The following PACS1 variants were observed in gnomAD, a reference collection of about 807,000 sequenced individuals.
PACS1 encodes PACS-1.
Under a neutral mutation model 115.0 loss-of-function variants are expected in PACS1, and 24 were observed. The ratio of observed to expected loss-of-function variants is 0.21; its 90% CI spans 0.15 to 0.29. The LOEUF is 0.29. Ranked by LOEUF, PACS1 falls within the 10% of genes least tolerant of loss-of-function variation. The pLI, the probability that PACS1 is intolerant of heterozygous loss-of-function variation, is 1.00. For synonymous variants in PACS1, 453 were observed against 504.5 expected, an observed-to-expected ratio of 0.90 and a Z score of 1.37; for missense variants, 838 against 1,251.2, an observed-to-expected ratio of 0.67 and a Z score of 4.98.
At chr11:66,072,596 TA>T (rs1483562347) in intron 1 of PACS1, among the ~76,000 whole-genome samples, 2 of 152,160 alleles carry the variant, frequency 1.3e-5, no homozygotes, top group African/African-American at 4.8e-5. Flanking sequence ...GCCAGATCCA[TA>T]GCACAACACC....
intron 2 of PACS1, among the ~76,000 whole-genome samples, chr11:66,194,427 A>G (rs889005872): frequency 6.6e-5 from 10 of 152,244 alleles, no homozygotes; most frequent in African/African-American, 2.4e-4. Flanking sequence ...AAACATTTGT[A>G]TTCTTAAGTA....
intron 1 of PACS1, among the ~76,000 whole-genome samples, chr11:66,092,339 C>A (rs1469889387): frequency 6.6e-6 from 1 of 152,078 alleles, no homozygotes; most frequent in African/African-American, 2.4e-5. Flanking sequence ...AGTGTCTGTT[C>A]ATGTCCTTCG....
At chr11:66,171,972 A>C (rs987083466) in intron 1 of PACS1, among the ~76,000 whole-genome samples, 1 of 152,186 alleles carries the variant, frequency 6.6e-6, no homozygotes, top group Non-Finnish European at 1.5e-5. Flanking sequence ...AATACTTAAG[A>C]GTTTAAAGTT....
intron 2 of PACS1, among the ~76,000 whole-genome samples, chr11:66,200,553 A>G (rs1323871218): frequency 2.6e-5 from 4 of 152,178 alleles, no homozygotes; most frequent in Admixed American, 6.5e-5. Context: ...GTAAAAATTG[A>G]TAAGTTCATT....
chr11:66,153,068 A>C (rs111250335), intron 1 of PACS1, among the ~76,000 whole-genome samples: 1,602 of 152,348 alleles, frequency 0.011, 29 homozygotes, highest in African/African-American at 0.036. Context: ...GTAAATATGT[A>C]GGTAAATATA....
chr11:66,223,395 AT>A (rs35595274), intron 10 of PACS1, among the ~76,000 whole-genome samples: 134,174 of 148,064 alleles, frequency 0.91, 60,795 homozygotes, highest in East Asian at 0.98. Flanking sequence ...TGCCCGGCCT[AT>A]TTTTTTTTTT....
In PACS1 at chr11:66,216,104, T is replaced by TC. The variant is rs1855202283; in HGVS notation, c.661-11dup. The stretch of plus-strand genomic sequence containing the variant: ...TCTGTAGTAACACGCCTCCACCACC[T>TC]CCCCTGGCTCCTAGGTGATGCAGCA... On this transcript the variant is annotated splice_polypyrimidine_tract_variant and intron_variant, in intron 4 of 23. Coordinates refer to ENST00000320580, the MANE Select transcript of PACS1 (RefSeq NM_018026.4). 2 of 1,613,016 alleles carry TC rather than the reference T, an allele frequency of 1.2e-6. No individual in the cohort carries two copies. Among genetic ancestry groups the TC allele is most frequent in the African/African-American group, 2.7e-5 (2 of 74,804 alleles).
chr11:66,237,469 C>T (rs562136197), intron 19 of PACS1, among the ~76,000 whole-genome samples: 9 of 152,332 alleles, frequency 5.9e-5, no homozygotes, highest in African/African-American at 1.7e-4. Context: ...CTGCTTTCTG[C>T]GCATCCAAGA....
intron 2 of PACS1, among the ~76,000 whole-genome samples, chr11:66,194,104 C>T (rs1854594032): frequency 6.6e-6 from 1 of 152,200 alleles, no homozygotes; most frequent in Non-Finnish European, 1.5e-5. Context: ...GTTGGGACTA[C>T]AGGCGCCTGC....
rs1439856275 is a variant in PACS1, at chr11:66,070,560, T to G, written c.74T>G (p.Val25Gly). Residue 25 changes from valine (V) to glycine (G), a missense_variant, in exon 1 of 24, where the codon GTC (valine) becomes GGC (glycine). By Grantham distance (109) the Val-to-Gly change is moderately radical (BLOSUM62 -3). This residue lies in a region of PACS1 where 129 missense variants were observed against 109.4 expected (regional missense o/e 1.18). Coordinates refer to ENST00000320580, the MANE Select transcript of PACS1 (RefSeq NM_018026.4). The surrounding 1 kb of genome is among the most constrained non-coding windows in gnomAD (Gnocchi z 5.9). ...GGGSGQRGSGVAQSPQQPPPQ... is the reference protein window; with the variant it reads ...GGGSGQRGSGGAQSPQQPPPQ... ...GGCAGCGGCCAGCGGGGATCCGGGG[T>G]CGCCCAGTCCCCTCAGCAGCCGCCG... The G allele has an allele frequency of 4.9e-6, 7 of 1,441,812 alleles. No individual in the cohort carries two copies. Among genetic ancestry groups the G allele is most frequent in the Non-Finnish European group, 6.3e-6 (7 of 1,103,922 alleles). The allele number at this position is 1,441,812 out of a possible 1,614,324, so 89.3% of individuals were successfully genotyped here. A position where few individuals can be genotyped will look rare whatever the true frequency, so the allele number is the denominator to read the frequency against.
chr11:66,241,741 A>T (rs1285546517), intron 22 of PACS1, 88 bp downstream of exon 22: 21 of 1,096,440 alleles, frequency 1.9e-5, no homozygotes, highest in Non-Finnish European at 2.8e-5. Flanking sequence ...TGCTTTTGGG[A>T]TATTTGGGAT....
intron 1 of PACS1, among the ~76,000 whole-genome samples, chr11:66,172,306 C>A (rs1336682445): frequency 1.3e-5 from 2 of 152,204 alleles, no homozygotes; most frequent in Admixed American, 1.3e-4. Context: ...CACGCCCACA[C>A]CGAAGAGGGC....
intron 1 of PACS1, among the ~76,000 whole-genome samples, chr11:66,076,478 G>A (rs1266471004): frequency 5.9e-5 from 9 of 151,890 alleles, no homozygotes; most frequent in Admixed American, 5.2e-4. Flanking sequence ...TCGGCTCACT[G>A]CAACCTCCGC....
intron 2 of PACS1, among the ~76,000 whole-genome samples, chr11:66,195,862 C>T (rs1207488463): frequency 2.0e-5 from 3 of 152,202 alleles, no homozygotes; most frequent in Non-Finnish European, 4.4e-5. Context: ...GATCTGCAGA[C>T]CCTGAGGTCT....
intron 1 of PACS1, among the ~76,000 whole-genome samples, chr11:66,125,441 A>G (rs1447963450): frequency 6.6e-6 from 1 of 152,248 alleles, no homozygotes; most frequent in Non-Finnish European, 1.5e-5. Context: ...ATTTGATCCC[A>G]TAGTAAAGAA....
intron 1 of PACS1, among the ~76,000 whole-genome samples, chr11:66,137,885 T>TA (rs1316228378): frequency 6.6e-6 from 1 of 152,186 alleles, no homozygotes; most frequent in Non-Finnish European, 1.5e-5. Flanking sequence ...AGAATCTTGT[T>TA]AAAATGCAAA....
intron 1 of PACS1, among the ~76,000 whole-genome samples, chr11:66,079,303 G>GTTTTTTT (rs10692760): frequency 9.1e-6 from 1 of 110,384 alleles, no homozygotes; most frequent in East Asian, 2.5e-4. Context: ...TTTGTAGCAG[G>GTTTTTTT]TTTTTTTTTT....
At chr11:66,243,092 A>G (rs1489344694) in intron 23 of PACS1, 61 bp downstream of exon 23, 1 of 1,612,454 alleles carries the variant, frequency 6.2e-7, no homozygotes, top group Non-Finnish European at 8.5e-7. Flanking sequence ...GAGGCAGGCA[A>G]TGGCCTTTCC....
intron 1 of PACS1, among the ~76,000 whole-genome samples, chr11:66,134,401 G>A (rs1458996306): frequency 6.6e-6 from 1 of 151,166 alleles, no homozygotes; most frequent in African/African-American, 2.4e-5. Context: ...TAGTAGCTGG[G>A]ACCTACAGGT....
Sources: allele counts gnomAD v4.1 joint callset (sites outside exome capture counted in the v4.1 genomes callset), GRCh38; gene constraint gnomAD v4.1.1; regional missense constraint gnomAD v4.1.1; non-coding constraint Gnocchi (gnomAD v3.1); transcripts MANE v1.5; gene names NCBI Gene and HGNC (gene_info 2026-07-23, HGNC 2026-07-21).